Variants in KIAA1549L observed in about 807,000 individuals in gnomAD.
KIAA1549L encodes the protein UPF0606 protein KIAA1549L.
Under a neutral mutation model 160.7 loss-of-function variants are expected in KIAA1549L, and 88 were observed. The observed-to-expected ratio is 0.55, with a 90% confidence interval of 0.46 to 0.65. KIAA1549L has a LOEUF of 0.65. Among genes scored for constraint, KIAA1549L ranks in the 30% least tolerant of loss-of-function variants. KIAA1549L has a pLI of 0.00. For synonymous variants in KIAA1549L, 950 were observed against 976.7 expected (o/e 0.97, Z 0.51); for missense variants, 2,258 against 2,437.5 (o/e 0.93, Z 1.55).
At chr11:33,452,059 T>C (rs1466741423) in intron 1 of KIAA1549L, among the ~76,000 whole-genome samples, 1 of 152,180 alleles carries the variant, frequency 6.6e-6, no homozygotes, top group Non-Finnish European at 1.5e-5. Flanking sequence ...TATGCTACTC[T>C]TAAATCCAAA....
chr11:33,539,859 A>G (rs1853975677), intron 1 of KIAA1549L, among the ~76,000 whole-genome samples: 1 of 152,216 alleles, frequency 6.6e-6, no homozygotes, highest in African/African-American at 2.4e-5. Context: ...CCGGAAAGAT[A>G]TGGTCAGCAT....
At position 33,388,116 on chromosome 11, in the gene KIAA1549L, C is replaced by T. The variant is rs535778914; in HGVS notation, c.238+11227C>T. On this transcript the variant is annotated intron_variant, in intron 1 of 20. Transcript: ENST00000658780. ...TTTGCCTTGTGTATTAGTCCACTCT[C>T]ACGCTACTATAAAGAACTGCCCGAG... 9.8e-5 allele frequency among the ~76,000 whole-genome samples: 15 copies of T among 152,308 alleles called. No homozygotes were observed. In the South Asian group the frequency reaches 3.1e-3, roughly 32 times the overall value.
At chr11:33,388,946 A>G (rs957288204) in intron 1 of KIAA1549L, among the ~76,000 whole-genome samples, 9 of 152,254 alleles carry the variant, frequency 5.9e-5, no homozygotes, top group East Asian at 5.8e-4. Flanking sequence ...ACATAGGCCA[A>G]GGTCGCTGCT....
intron 1 of KIAA1549L, among the ~76,000 whole-genome samples, chr11:33,454,148 G>A (rs1440002895): frequency 6.6e-6 from 1 of 152,208 alleles, no homozygotes; most frequent in Non-Finnish European, 1.5e-5. Flanking sequence ...GAACCAAGAA[G>A]TAAGCGGAGG....
At chr11:33,657,129 G>A (rs1364330162) in intron 18 of KIAA1549L, among the ~76,000 whole-genome samples, 1 of 149,204 alleles carries the variant, frequency 6.7e-6, no homozygotes. Flanking sequence ...GGGAAGCCAG[G>A]GCTGTGGGAA....
chr11:33,593,342 G>A (rs1433745600), intron 12 of KIAA1549L, among the ~76,000 whole-genome samples: 2 of 152,244 alleles, frequency 1.3e-5, no homozygotes, highest in African/African-American at 2.4e-5. Context: ...GGGAGGCTGA[G>A]GTGAGAGCAT....
At chr11:33,560,053 G>A in intron 7 of KIAA1549L, 142 bp downstream of exon 7, 1 of 806,560 alleles carries the variant, frequency 1.2e-6, no homozygotes. Flanking sequence ...TAAGGTGACA[G>A]CTAAATATGG....
At chr11:33,538,815 TA>T (rs141134931) in intron 1 of KIAA1549L, among the ~76,000 whole-genome samples, 1 of 152,010 alleles carries the variant, frequency 6.6e-6, no homozygotes, top group African/African-American at 2.4e-5. Context: ...AGTTAAAGAG[TA>T]AAAAAAATTA....
At chr11:33,508,738 C>G (rs1853154401) in intron 1 of KIAA1549L, among the ~76,000 whole-genome samples, 1 of 152,300 alleles carries the variant, frequency 6.6e-6, no homozygotes, top group East Asian at 1.9e-4. Context: ...TGCATCTGGA[C>G]CACCCTCTTG....
intron 1 of KIAA1549L, among the ~76,000 whole-genome samples, chr11:33,530,442 T>A (rs1458866436): frequency 7.5e-3 from 37 of 4,916 alleles, no homozygotes; most frequent in Middle Eastern, 0.071. Flanking sequence ...AAAAAATATA[T>A]ATATATATAT....
intron 9 of KIAA1549L, 149 bp from the exon 10 acceptor site, chr11:33,574,551 TGA>T: frequency 1.7e-6 from 1 of 590,418 alleles, no homozygotes; most frequent in Non-Finnish European, 2.9e-6. Flanking sequence ...GCAGGCTTCT[TGA>T]GAGGCTGGAT....
chr11:33,658,805 C>G lies in KIAA1549L; in HGVS notation c.5914C>G (p.Pro1972Ala). The G allele has an allele frequency of 1.9e-6, 3 of 1,568,232 alleles. No homozygotes were observed. The highest frequency in any genetic ancestry group is 2.6e-6 in the Non-Finnish European group (3 of 1,156,984). The part of the protein sequence containing the change: ...TRMAESTGPE[P>A]AQLHDSASFT... ...AATGGCCGAGTCTACAGGGCCCGAGCCGGCCCAGCTGCACGACAGCGCCTC... is the reference window on the plus strand; with the variant it reads ...AATGGCCGAGTCTACAGGGCCCGAGGCGGCCCAGCTGCACGACAGCGCCTC... Residue 1972 changes from proline (P) to alanine (A), a missense_variant, in exon 19 of 21, where the codon CCG becomes GCG. Transcript: ENST00000658780.
chr11:33,525,967 C>G lies in KIAA1549L; in HGVS notation c.239-15835C>G, dbSNP rs187701551. Among the ~76,000 whole-genome samples the G allele has an allele frequency of 1.5e-3, 234 of 152,180 alleles. 1 individual carries two copies. The highest frequency in any genetic ancestry group is 2.7e-3 in the Admixed American group (42 of 15,274). Reference sequence around the variant, plus strand: ...GCCTCCCCCACATTCCCCACAGTTGCTGCAGCAAGCCCTGCCCAAAGAGAG... The same window carrying G: ...GCCTCCCCCACATTCCCCACAGTTGGTGCAGCAAGCCCTGCCCAAAGAGAG... On this transcript the variant is annotated intron_variant, in intron 1 of 20. Coordinates refer to ENST00000658780, the MANE Select transcript of KIAA1549L (RefSeq NM_012194.3).
At chr11:33,534,462 A>G (rs1157785571) in intron 1 of KIAA1549L, among the ~76,000 whole-genome samples, 1 of 152,152 alleles carries the variant, frequency 6.6e-6, no homozygotes, top group African/African-American at 2.4e-5. Flanking sequence ...CATTTAGTCT[A>G]AGTAGAAGAA....
chr11:33,589,403 C>T (rs1473521162), intron 11 of KIAA1549L, among the ~76,000 whole-genome samples: 1 of 152,214 alleles, frequency 6.6e-6, no homozygotes, highest in Admixed American at 6.5e-5. Context: ...CAGCCATCCC[C>T]ATTACTGGGT....
chr11:33,436,665 G>A (rs1417984391), intron 1 of KIAA1549L, among the ~76,000 whole-genome samples: 1 of 152,244 alleles, frequency 6.6e-6, no homozygotes, highest in Non-Finnish European at 1.5e-5. Flanking sequence ...GGAGGAAATG[G>A]AGGCATAGAA....
chr11:33,542,735 C>T lies in KIAA1549L; in HGVS notation c.1172C>T (p.Ala391Val), dbSNP rs1318547862. ...CCTGCATCCACCCAGCAGATCAAAG[C>T]TGGGGTGCCTGGAAGAGTGCACAAT... The part of the protein sequence containing the change: ...SGPASTQQIK[A>V]GVPGRVHNGV... Residue 391 changes from alanine to valine, a missense_variant, in exon 2 of 21, where the codon GCT becomes GTT. Transcript: ENST00000658780. 3.7e-6 allele frequency: 6 copies of T among 1,613,986 alleles called. No individual in the cohort carries two copies. Among genetic ancestry groups the T allele is most frequent in the Non-Finnish European group, 5.1e-6 (6 of 1,179,870 alleles).
intron 16 of KIAA1549L, among the ~76,000 whole-genome samples, chr11:33,623,477 T>C (rs936574739): frequency 1.3e-5 from 2 of 152,182 alleles, no homozygotes; most frequent in Non-Finnish European, 2.9e-5. Flanking sequence ...TGATATGTTA[T>C]CTCGACTTAA....
chr11:33,444,372 C>G (rs1047130456), intron 1 of KIAA1549L, among the ~76,000 whole-genome samples: 2 of 152,150 alleles, frequency 1.3e-5, no homozygotes, highest in African/African-American at 4.8e-5. Context: ...AGAATGAACT[C>G]TAAGATATGT....
Sources: allele counts gnomAD v4.1 joint callset (sites outside exome capture counted in the v4.1 genomes callset), GRCh38; gene constraint gnomAD v4.1.1; transcripts MANE v1.5; gene names NCBI Gene and HGNC (gene_info 2026-07-23, HGNC 2026-07-21).